Variants in CDIN1 observed in about 807,000 individuals in gnomAD.
The protein encoded by CDIN1 is CDAN1 interacting nuclease 1.
A neutral mutation model predicts 45.3 loss-of-function variants in CDIN1; 33 were observed. The ratio of observed to expected loss-of-function variants is 0.73; its 90% CI spans 0.55 to 0.97. CDIN1 has a LOEUF of 0.97. Among genes scored for constraint, CDIN1 ranks in the 50% least tolerant of loss-of-function variants. CDIN1 has a pLI of 0.00. For synonymous variants in CDIN1, 118 were observed against 124.4 expected, an observed-to-expected ratio of 0.95 and a Z score of 0.34; for missense variants, 303 against 339.4, an observed-to-expected ratio of 0.89 and a Z score of 0.84.
chr15:36,737,144 G>A (rs2044055489), intron 10 of CDIN1, among the ~76,000 whole-genome samples: 1 of 149,334 alleles, frequency 6.7e-6, no homozygotes, highest in Non-Finnish European at 1.5e-5. Context: ...CTCCAGCCTA[G>A]GCAACAGAGT....
At chr15:36,663,034 G>A (rs2041084704) in intron 5 of CDIN1, among the ~76,000 whole-genome samples, 1 of 151,968 alleles carries the variant, frequency 6.6e-6, no homozygotes. Flanking sequence ...TCCTGTCTGT[G>A]CCTTTAGAGG....
chr15:36,611,802 C>T (rs1332753005), intron 1 of CDIN1, among the ~76,000 whole-genome samples: 1 of 152,158 alleles, frequency 6.6e-6, no homozygotes, highest in East Asian at 1.9e-4. Flanking sequence ...GGTGGTATCT[C>T]TAGCCCTACA....
At chr15:36,701,257 A>T (rs1430247570) in intron 8 of CDIN1, among the ~76,000 whole-genome samples, 2 of 152,116 alleles carry the variant, frequency 1.3e-5, no homozygotes, top group Non-Finnish European at 2.9e-5. Flanking sequence ...CCTCAACGTT[A>T]AATTGAACCA....
At chr15:36,690,270 T>G (rs1467524502) in intron 5 of CDIN1, among the ~76,000 whole-genome samples, 16 of 151,960 alleles carry the variant, frequency 1.1e-4, no homozygotes, top group Admixed American at 1.0e-3. Context: ...TACTAACATT[T>G]TTTTCTTTTT....
intron 1 of CDIN1, among the ~76,000 whole-genome samples, chr15:36,586,196 T>TTTG (rs1448003992): frequency 6.6e-6 from 1 of 151,704 alleles, no homozygotes; most frequent in Non-Finnish European, 1.5e-5. Flanking sequence ...CTTTGAGTTT[T>TTTG]TTTTTTTTTT....
At chr15:36,786,601 G>A (rs928769177) in intron 10 of CDIN1, among the ~76,000 whole-genome samples, 1 of 152,000 alleles carries the variant, frequency 6.6e-6, no homozygotes, top group Non-Finnish European at 1.5e-5. Context: ...CCAGTATACT[G>A]GCCACCAATA....
intron 8 of CDIN1, chr15:36,708,485 A>G (rs1451896679): frequency 6.8e-6 from 1 of 146,888 alleles, no homozygotes. Flanking sequence ...TTTTTTTTAA[A>G]CAATCACCTT....
intron 10 of CDIN1, among the ~76,000 whole-genome samples, chr15:36,717,116 G>T (rs891305897): frequency 6.6e-6 from 1 of 152,124 alleles, no homozygotes; most frequent in Non-Finnish European, 1.5e-5. Context: ...GGAGAAAATG[G>T]ACCATTTGTT....
At chr15:36,592,187 G>T (rs946677405) in intron 1 of CDIN1, among the ~76,000 whole-genome samples, 1 of 152,212 alleles carries the variant, frequency 6.6e-6, no homozygotes. Flanking sequence ...AACAGAACAA[G>T]TCTGTGGGCT....
At position 36,692,148 on chromosome 15, in the gene CDIN1, A is replaced by G; in HGVS notation, c.449A>G (p.Tyr150Cys). The G allele has an allele frequency of 1.9e-6, 3 of 1,613,824 alleles. No homozygotes were observed. Among genetic ancestry groups the G allele is most frequent in the Non-Finnish European group, 2.5e-6 (3 of 1,179,834 alleles). The change falls in exon 7 of 11, where the codon TAC becomes TGC. Residue 150 changes from tyrosine to cysteine, a missense_variant. Transcript: ENST00000566621. ...VYQCIVNDCC[Y>C]GPLVDCIKHA... ...CAGTGCATTGTGAACGACTGCTGTTACGGACCACTAGTGGACTGCATCAAG... is the reference window on the plus strand; with the variant it reads ...CAGTGCATTGTGAACGACTGCTGTTGCGGACCACTAGTGGACTGCATCAAG...
intron 10 of CDIN1, among the ~76,000 whole-genome samples, chr15:36,774,261 A>AAT (rs1489976689): frequency 6.6e-6 from 1 of 152,006 alleles, no homozygotes; most frequent in African/African-American, 2.4e-5. Flanking sequence ...GTCCTCCTCC[A>AAT]ATACTCTCCA....
chr15:36,682,963 G>T (rs1409524393), intron 5 of CDIN1, among the ~76,000 whole-genome samples: 1 of 152,096 alleles, frequency 6.6e-6, no homozygotes, highest in East Asian at 1.9e-4. Flanking sequence ...TGTAAAAAAA[G>T]AGCAGATAGA....
At chr15:36,764,826 T>C (rs536810014) in intron 10 of CDIN1, among the ~76,000 whole-genome samples, 93 of 152,290 alleles carry the variant, frequency 6.1e-4, no homozygotes, top group African/African-American at 2.1e-3. Flanking sequence ...CCAGTGCAAC[T>C]TTTTAAGAGG....
chr15:36,621,574 C>A (rs1163669024), intron 1 of CDIN1, among the ~76,000 whole-genome samples: 1 of 151,912 alleles, frequency 6.6e-6, no homozygotes, highest in South Asian at 2.1e-4. Context: ...AAGTTTAGGT[C>A]CTTTAAAAAA....
intron 4 of CDIN1, among the ~76,000 whole-genome samples, chr15:36,655,326 CTTT>C (rs146085190): frequency 1.5e-5 from 2 of 129,576 alleles, no homozygotes; most frequent in Non-Finnish European, 3.4e-5. Context: ...TTTTTTTTTG[CTTT>C]TTTTTTTTCT....
At chr15:36,729,839 T>G (rs1381727078) in intron 10 of CDIN1, among the ~76,000 whole-genome samples, 4 of 152,204 alleles carry the variant, frequency 2.6e-5, no homozygotes, top group Non-Finnish European at 5.9e-5. Context: ...TTTCATTATT[T>G]AGGCTAGATG....
At chr15:36,776,579 C>T (rs1274041495) in intron 10 of CDIN1, among the ~76,000 whole-genome samples, 1 of 152,164 alleles carries the variant, frequency 6.6e-6, no homozygotes, top group Non-Finnish European at 1.5e-5. Context: ...AATTATTCTT[C>T]GTGCTAAAAG....
chr15:36,600,460 G>T (rs948664547), intron 1 of CDIN1, among the ~76,000 whole-genome samples: 2 of 152,300 alleles, frequency 1.3e-5, no homozygotes. Context: ...CAGAATAATG[G>T]ATGTTGAGCA....
At chr15:36,633,556 T>C (rs1460736125) in intron 1 of CDIN1, among the ~76,000 whole-genome samples, 1 of 152,194 alleles carries the variant, frequency 6.6e-6, no homozygotes, top group Non-Finnish European at 1.5e-5. Context: ...TGATACCTGG[T>C]TAGCATAAGT....
Sources: gnomAD v4.1 joint callset for allele counts (sites outside exome capture counted in the v4.1 genomes callset) on GRCh38, gnomAD v4.1.1 for gene constraint, MANE v1.5 for transcripts, NCBI Gene and HGNC (gene_info 2026-07-23, HGNC 2026-07-21) for gene names.